MPP2: variants seen among roughly 807,000 people sequenced by gnomAD.
MPP2 encodes MAGUK p55 scaffold protein 2.
In MPP2, 42 loss-of-function variants were observed where a neutral mutation model predicts 58.5. The observed-to-expected ratio is 0.72, with a 90% CI of 0.56 to 0.93. The LOEUF (loss-of-function observed/expected upper bound fraction) is 0.93. Among genes scored for constraint, MPP2 ranks in the 40% least tolerant of loss-of-function variants. MPP2 has a pLI of 0.00. For missense variants in MPP2, 632 were observed against 760.4 expected, an observed-to-expected ratio of 0.83 and a Z score of 1.99; for synonymous variants, 300 against 307.8, an observed-to-expected ratio of 0.97 and a Z score of 0.26.
At chr17:43,883,086 G>C (rs1597766498) in intron 4 of MPP2, 34 bp from the exon 5 acceptor site, 1 of 1,587,280 alleles carries the variant, frequency 6.3e-7, no homozygotes. Flanking sequence ...GGACAATGGG[G>C]CAGTGTCCCG....
intron 2 of MPP2, among the ~76,000 whole-genome samples, chr17:43,900,863 G>C (rs552066865): frequency 2.7e-4 from 41 of 152,262 alleles, no homozygotes; most frequent in Non-Finnish European, 1.5e-4. Flanking sequence ...CTAACAGGAA[G>C]TTTTGAGGAG....
intron 2 of MPP2, among the ~76,000 whole-genome samples, chr17:43,900,294 G>A (rs914011206): frequency 1.3e-5 from 2 of 152,112 alleles, no homozygotes; most frequent in African/African-American, 2.4e-5. Context: ...GATTCCCTCC[G>A]TTATCTAGGG....
At chr17:43,899,013 A>C (rs1352419320) in intron 2 of MPP2, among the ~76,000 whole-genome samples, 1 of 151,570 alleles carries the variant, frequency 6.6e-6, no homozygotes, top group Non-Finnish European at 1.5e-5. Flanking sequence ...TGGGAGGCCG[A>C]AGCGGGTGGA....
chr17:43,883,055 G>T lies in MPP2; in HGVS notation c.304-3C>A, dbSNP rs1197014519. ...GAGTCGTGCGTCTCCAGGAGGGACT[G>T]GGGGGTGGTGGGAAGAGAAGGGACA... On this transcript the variant is annotated splice_region_variant and splice_polypyrimidine_tract_variant and intron_variant, in intron 4 of 12. Transcript: ENST00000269095. The T allele has an allele frequency of 6.8e-6, 11 of 1,608,706 alleles. No homozygotes were observed. The highest frequency in any genetic ancestry group is 6.7e-5 in the African/African-American group (5 of 74,972).
At chr17:43,908,619 T>C (rs2048371022), upstream of MPP2, among the ~76,000 whole-genome samples, 1 of 152,198 alleles carries the variant, frequency 6.6e-6, no homozygotes, top group Non-Finnish European at 1.5e-5. Context: ...CGCGCGCCTG[T>C]AGTCCCAGCT....
intron 1 of MPP2, among the ~76,000 whole-genome samples, chr17:43,906,361 G>C (rs959282929): frequency 6.6e-6 from 1 of 152,184 alleles, no homozygotes; most frequent in Non-Finnish European, 1.5e-5. Context: ...AGCTAGCCTG[G>C]CTCCGTGCCA....
intron 3 of MPP2, among the ~76,000 whole-genome samples, chr17:43,892,799 T>G (rs2047662118): frequency 6.6e-6 from 1 of 152,206 alleles, no homozygotes. Flanking sequence ...TTACTTACAA[T>G]GTGACACAGC....
At chr17:43,904,946 C>A (rs534876683) in intron 1 of MPP2, among the ~76,000 whole-genome samples, 1 of 152,098 alleles carries the variant, frequency 6.6e-6, no homozygotes, top group Non-Finnish European at 1.5e-5. Flanking sequence ...GAGGCTGAGG[C>A]AGGAGAATCA....
upstream of MPP2, chr17:43,907,737 A>T: frequency 1.0e-6 from 1 of 985,520 alleles, no homozygotes; most frequent in Non-Finnish European, 1.2e-6. Context: ...CTGGAGTCCC[A>T]CTGGGAAGGG....
intron 2 of MPP2, among the ~76,000 whole-genome samples, chr17:43,899,390 GCC>G (rs869187519): frequency 3.9e-5 from 2 of 51,518 alleles, no homozygotes; most frequent in Admixed American, 3.0e-4. Context: ...GTGAGTACAG[GCC>G]CAGAGTCAAG....
rs111308078 is a variant in MPP2, at chr17:43,890,537, C to T, written c.151-7182G>A. 8.6e-3 allele frequency among the ~76,000 whole-genome samples: 1,314 copies of T among 152,290 alleles called. 15 individuals carry two copies. Among genetic ancestry groups the T allele is most frequent in the African/African-American group, 0.029 (1,211 of 41,546 alleles). ...CCCTCTGCCCTCCACTCCAACCCCCCGATCATGGCAAAAGACAGGGAATTC... is the reference window on the plus strand; with the variant it reads ...CCCTCTGCCCTCCACTCCAACCCCCTGATCATGGCAAAAGACAGGGAATTC... On this transcript the variant is annotated intron_variant, in intron 3 of 12. Coordinates refer to ENST00000269095, the MANE Select transcript of MPP2 (RefSeq NM_005374.5).
intron 3 of MPP2, among the ~76,000 whole-genome samples, chr17:43,886,015 T>C (rs1279841022): frequency 6.6e-6 from 1 of 151,244 alleles, no homozygotes; most frequent in Non-Finnish European, 1.5e-5. Context: ...GGCTGAGTCA[T>C]GAGAATCACT....
intron 2 of MPP2, chr17:43,900,764 G>C (rs987587290): frequency 1.6e-5 from 7 of 448,272 alleles, no homozygotes; most frequent in Non-Finnish European, 1.8e-5. Flanking sequence ...GGTAACCCGG[G>C]TGGGAGAAGA....
chr17:43,894,962 T>A (rs1308278427), intron 3 of MPP2, among the ~76,000 whole-genome samples: 4 of 151,964 alleles, frequency 2.6e-5, no homozygotes, highest in Non-Finnish European at 5.9e-5. Context: ...CCCACAAAGG[T>A]ATATTGTTTA....
chr17:43,894,464 A>G (rs868769370), intron 3 of MPP2, among the ~76,000 whole-genome samples: 1 of 111,480 alleles, frequency 9.0e-6, no homozygotes, highest in Non-Finnish European at 2.0e-5. Context: ...CACACACACA[A>G]AAATTAGCCG....
chr17:43,906,167 C>G (rs969345413), intron 1 of MPP2: 31 of 979,126 alleles, frequency 3.2e-5, no homozygotes, highest in Non-Finnish European at 9.7e-6. Context: ...GCGTGGAGGG[C>G]GGGAAAAGGC....
At position 43,880,889 on chromosome 17, in the gene MPP2, A is replaced by T. The variant is rs745973817; in HGVS notation, c.989-37T>A. The T allele has an allele frequency of 7.6e-6, 12 of 1,575,628 alleles. No homozygotes were observed. The highest frequency in any genetic ancestry group is 1.0e-5 in the Non-Finnish European group (12 of 1,158,262). On this transcript the variant is annotated intron_variant, in intron 9 of 12. Transcript: ENST00000269095. The surrounding 1 kb of genome is among the most constrained non-coding windows in gnomAD (Gnocchi z 5.2). ...GAGATGGCGCTGCTCACCAGGCTGC[A>T]CGGTGAGGGAGGGGCGGAGCTCTCA...
Position 43,880,651 on chromosome 17 carries a change from C to G in MPP2, c.1150+40G>C, listed in dbSNP as rs776423535. On this transcript the variant is annotated intron_variant, in intron 10 of 12. Coordinates refer to ENST00000269095, the MANE Select transcript of MPP2 (RefSeq NM_005374.5). This position sits in a 1 kb window ranked among gnomAD's most constrained non-coding sequence, Gnocchi z 5.2. ...CAGCCCTGGCCCCAGGGGAGCCCTG[C>G]TCCTTGTCCCCAACTCAGCAGGGCC... is the stretch of plus-strand genomic sequence containing the variant. The G allele has an allele frequency of 2.0e-5, 31 of 1,562,668 alleles. 1 individual carries two copies. In the South Asian group the frequency reaches 3.6e-4, roughly 18 times the overall value.
chr17:43,878,760 G>A (rs1390083427), intron 12 of MPP2, among the ~76,000 whole-genome samples: 2 of 152,206 alleles, frequency 1.3e-5, no homozygotes, highest in African/African-American at 2.4e-5. Flanking sequence ...CCACCTCCTG[G>A]GAAGGCGCAG....
Sources: gnomAD v4.1 joint callset for allele counts (sites outside exome capture counted in the v4.1 genomes callset) on GRCh38, gnomAD v4.1.1 for gene constraint, Gnocchi (gnomAD v3.1) non-coding constraint, MANE v1.5 for transcripts, NCBI Gene and HGNC (gene_info 2026-07-23, HGNC 2026-07-21) for gene names.